PDE3B: variants seen among roughly 807,000 people sequenced by gnomAD.
The protein encoded by PDE3B is phosphodiesterase 3B, also known as cGMP-inhibited 3',5'-cyclic phosphodiesterase 3B.
Under a neutral mutation model 116.8 loss-of-function variants are expected in PDE3B, and 66 were observed. That is an observed-to-expected ratio of 0.56 (90% CI 0.46 to 0.69). PDE3B has a LOEUF of 0.69. Ranked by LOEUF, PDE3B falls within the 30% of genes least tolerant of loss-of-function variation. The probability of loss-of-function intolerance (pLI) is 0.00; values close to 1 mark genes in which losing one functional copy is unlikely to be tolerated. For missense variants in PDE3B, 1,384 were observed against 1,368.1 expected, an observed-to-expected ratio of 1.01 and a Z score of -0.18; for synonymous variants, 595 against 533.6, an observed-to-expected ratio of 1.12 and a Z score of -1.59.
chr11:14,721,442 A>G (rs1292341212), intron 1 of PDE3B, among the ~76,000 whole-genome samples: 1 of 151,374 alleles, frequency 6.6e-6, no homozygotes, highest in African/African-American at 2.4e-5. Context: ...CCAAAGGACT[A>G]TAAATCATGC....
At chr11:14,852,330 A>G (rs1384851945) in intron 12 of PDE3B, among the ~76,000 whole-genome samples, 2 of 152,238 alleles carry the variant, frequency 1.3e-5, no homozygotes, top group Admixed American at 6.5e-5. Context: ...TGCTGGGATT[A>G]CAGGCATGAG....
At chr11:14,889,651 A>G in the PDE3B span, among the ~76,000 whole-genome samples, 1 of 152,236 alleles carries the variant, frequency 6.6e-6, no homozygotes, top group Non-Finnish European at 1.5e-5. Context: ...CAATAAAACT[A>G]TGATAGGGGA....
chr11:14,743,222 A>C (rs1263746813), intron 1 of PDE3B, among the ~76,000 whole-genome samples: 2 of 152,134 alleles, frequency 1.3e-5, no homozygotes, highest in Non-Finnish European at 2.9e-5. Context: ...TAAGCCCCTG[A>C]CTGGGGCTGC....
At chr11:14,675,238 T>C (rs556491736) in intron 1 of PDE3B, among the ~76,000 whole-genome samples, 1 of 152,318 alleles carries the variant, frequency 6.6e-6, no homozygotes, top group Non-Finnish European at 1.5e-5. Flanking sequence ...AGGTAACTTT[T>C]TTTTCTGTTG....
intron 7 of PDE3B, among the ~76,000 whole-genome samples, chr11:14,824,191 C>A (rs541795547): frequency 6.6e-6 from 1 of 152,264 alleles, no homozygotes; most frequent in South Asian, 2.1e-4. Context: ...AAGGAAGAGC[C>A]ACATGCAGAG....
chr11:14,662,572 C>T (rs1011860049), intron 1 of PDE3B, among the ~76,000 whole-genome samples: 29 of 151,904 alleles, frequency 1.9e-4, no homozygotes, highest in African/African-American at 4.4e-4. Flanking sequence ...AAAATTTAGA[C>T]GAATGTATAA....
the PDE3B span, among the ~76,000 whole-genome samples, chr11:14,885,046 C>CT: frequency 2.0e-5 from 3 of 151,998 alleles, no homozygotes; most frequent in African/African-American, 4.8e-5. Flanking sequence ...TAATTTTTGC[C>CT]TTTTCAACCA....
At chr11:14,889,934 C>G in the PDE3B span, among the ~76,000 whole-genome samples, 1 of 152,084 alleles carries the variant, frequency 6.6e-6, no homozygotes, top group Non-Finnish European at 1.5e-5. Flanking sequence ...CGAGACCATC[C>G]TGCCTAACCG....
intron 1 of PDE3B, among the ~76,000 whole-genome samples, chr11:14,740,286 A>G (rs2133864366): frequency 6.6e-6 from 1 of 152,228 alleles, no homozygotes; most frequent in East Asian, 1.9e-4. Flanking sequence ...AGAACTTGTT[A>G]TTGGTCTATT....
At chr11:14,676,589 T>G (rs1854537865) in intron 1 of PDE3B, among the ~76,000 whole-genome samples, 1 of 152,182 alleles carries the variant, frequency 6.6e-6, no homozygotes, top group Admixed American at 6.5e-5. Context: ...GACATTACTG[T>G]ACACTATTAT....
rs544807297 is a variant in PDE3B at position 14,750,474 on chromosome 11, A to G, written c.979-21463A>G. On this transcript the variant is annotated intron_variant, in intron 1 of 15. Coordinates refer to ENST00000282096, the MANE Select transcript of PDE3B (RefSeq NM_000922.4). ...TCACAGATAACTTTATATCCACTAT[A>G]GTTGTTGCAGATATTTGGAAATATT... 1.6e-4 allele frequency among the ~76,000 whole-genome samples: 24 copies of G among 152,216 alleles called. No homozygotes were observed. The East Asian group carries it at 4.6e-3, about 29-fold the overall frequency.
At chr11:14,859,914 A>C (rs1418526532) in intron 13 of PDE3B, among the ~76,000 whole-genome samples, 8 of 152,156 alleles carry the variant, frequency 5.3e-5, no homozygotes, top group Admixed American at 4.6e-4. Flanking sequence ...AAAAAAGTTG[A>C]GAACCACTGC....
chr11:14,842,309 AT>A (rs1205357356), intron 11 of PDE3B, among the ~76,000 whole-genome samples: 3 of 152,104 alleles, frequency 2.0e-5, no homozygotes, highest in Non-Finnish European at 2.9e-5. Flanking sequence ...TTGTACTGTT[AT>A]TTTTTTGGAA....
intron 5 of PDE3B, among the ~76,000 whole-genome samples, chr11:14,813,684 C>T (rs1349682418): frequency 1.3e-5 from 2 of 152,178 alleles, no homozygotes; most frequent in Non-Finnish European, 2.9e-5. Flanking sequence ...ATATGGACAT[C>T]TTTGGGGGTG....
At chr11:14,721,102 A>C (rs1441459962) in intron 1 of PDE3B, among the ~76,000 whole-genome samples, 15 of 148,598 alleles carry the variant, frequency 1.0e-4, no homozygotes, top group East Asian at 4.0e-4. Flanking sequence ...ACCCCATCAA[A>C]AAGTGGGCAA....
the PDE3B span, chr11:14,879,075 C>G: frequency 1.4e-6 from 2 of 1,475,532 alleles, no homozygotes; most frequent in Non-Finnish European, 1.9e-6. Context: ...TTATCATTAT[C>G]CTTTATTCTA....
intron 2 of PDE3B, among the ~76,000 whole-genome samples, chr11:14,781,344 G>T (rs903112756): frequency 9.9e-5 from 15 of 152,166 alleles, no homozygotes; most frequent in African/African-American, 3.6e-4. Flanking sequence ...ACCAAAGCCT[G>T]CCAGAGACAC....
At chr11:14,770,938 A>G (rs1406858487) in intron 1 of PDE3B, among the ~76,000 whole-genome samples, 1 of 151,688 alleles carries the variant, frequency 6.6e-6, no homozygotes, top group Non-Finnish European at 1.5e-5. Flanking sequence ...CTTTGAGCTA[A>G]TAATTTTTTT....
At chr11:14,860,313 T>C (rs530029565) in intron 13 of PDE3B, among the ~76,000 whole-genome samples, 22 of 152,100 alleles carry the variant, frequency 1.4e-4, no homozygotes, top group African/African-American at 5.3e-4. Context: ...AGACTTCCTA[T>C]TAAGTTTCAA....
Sources: gnomAD v4.1 joint callset for allele counts (sites outside exome capture counted in the v4.1 genomes callset) on GRCh38, gnomAD v4.1.1 for gene constraint, MANE v1.5 for transcripts, NCBI Gene and HGNC (gene_info 2026-07-23, HGNC 2026-07-21) for gene names.